MYH1: variants seen among roughly 807,000 people sequenced by gnomAD.
MYH1 encodes myosin heavy chain 1, also known as myosin-1.
Under a neutral mutation model 225.6 loss-of-function variants are expected in MYH1, and 214 were observed. That is an observed-to-expected ratio of 0.95 (90% CI 0.85 to 1.06). The LOEUF is 1.06. MYH1 is among the 50% of genes least tolerant of loss of function. The pLI, the probability that MYH1 is intolerant of heterozygous loss-of-function variation, is 0.00. For synonymous variants in MYH1, 774 were observed against 842.3 expected (o/e 0.92, Z 1.40); for missense variants, 2,098 against 2,344.2 (o/e 0.89, Z 2.17).
At chr17:10,516,177 A>G (rs1325558843) in intron 4 of MYH1, 22 bp downstream of exon 4, 1 of 1,614,016 alleles carries the variant, frequency 6.2e-7, no homozygotes, top group Admixed American at 1.7e-5. Context: ...TCATGAGTAG[A>G]AGACCGTGAG....
Position 10,508,417 on chromosome 17 carries a change from A to G in MYH1, c.1843T>C (p.Ser615Pro), listed in dbSNP as rs933592567. The change falls in exon 16 of 40, where the codon TCT becomes CCT. Residue 615 changes from serine (S) to proline (P), a missense_variant. Transcript: ENST00000226207. ...AGGAGAGCCAGAGTCTTCATTGCAG[A>G]CTTCTGGTACAGCCCCACCACAGTC... ...NETVVGLYQKSAMKTLALLFV... is the reference protein window; with the variant it reads ...NETVVGLYQKPAMKTLALLFV... 6 of 1,613,762 alleles carry G rather than the reference A, an allele frequency of 3.7e-6. No individual in the cohort carries two copies. The highest frequency in any genetic ancestry group is 5.1e-6 in the Non-Finnish European group (6 of 1,179,820).
rs574028109 is a variant in MYH1, at chr17:10,504,461, C to T, written c.2691+349G>A. Among the ~76,000 whole-genome samples the T allele has an allele frequency of 2.0e-5, 3 of 152,286 alleles. No individual in the cohort carries two copies. In the East Asian group the frequency reaches 5.8e-4, roughly 29 times the overall value. On this transcript the variant is annotated intron_variant, in intron 22 of 39. Transcript: ENST00000226207. Reference sequence around the variant, plus strand: ...GTTAATGTGTTTTCATCAAAGTCTCCTTCCTCTTCACTGACAATATTTTTC... The same window carrying T: ...GTTAATGTGTTTTCATCAAAGTCTCTTTCCTCTTCACTGACAATATTTTTC...
rs749595904 is a variant in MYH1 at position 10,508,408 on chromosome 17, T to A, written c.1852A>T (p.Lys618Ter). 6.2e-7 allele frequency: 1 copy of A among 1,613,692 alleles called. No individual in the cohort carries two copies. The highest frequency in any genetic ancestry group is 8.5e-7 in the Non-Finnish European group (1 of 1,179,728). The change falls in exon 16 of 40, where the codon AAG becomes TAG. Residue 618 changes from lysine (K) to a stop codon, truncating the protein, a stop_gained. Transcript: ENST00000226207. LOFTEE classifies it high-confidence loss of function. ...VVGLYQKSAMKTLALLFVGAT... is the reference protein window; with the variant it reads ...VVGLYQKSAM ...CCAACAAAGAGGAGAGCCAGAGTCT[T>A]CATTGCAGACTTCTGGTACAGCCCC...
intron 28 of MYH1, among the ~76,000 whole-genome samples, chr17:10,500,346 ATC>A (rs955379508): frequency 4.0e-5 from 6 of 150,650 alleles, no homozygotes; most frequent in African/African-American, 9.7e-5. Flanking sequence ...GATTCTATTT[ATC>A]TCTCTCTCTC....
chr17:10,495,191 C>T lies in MYH1; in HGVS notation c.5295+1G>A, dbSNP rs2072975903. The T allele has an allele frequency of 1.2e-6, 2 of 1,614,232 alleles. No individual in the cohort carries two copies. Among genetic ancestry groups the T allele is most frequent in the Admixed American group, 1.7e-5 (1 of 60,038 alleles). On this transcript the variant is annotated splice_donor_variant, in intron 36 of 39. Transcript: ENST00000226207. LOFTEE classifies it high-confidence loss of function. ...CCACCACTGTGTTACCCTTCACTCA[C>T]ATCAGTGATGGCCTTCTTGGCCTTC...
chr17:10,510,494 C>T (rs758089679), intron 14 of MYH1, among the ~76,000 whole-genome samples: 2 of 152,182 alleles, frequency 1.3e-5, no homozygotes, highest in Non-Finnish European at 2.9e-5. Context: ...GGAACCCCAA[C>T]ATTTTGATGC....
At chr17:10,498,581 A>T in intron 30 of MYH1, 45 bp downstream of exon 30, 1 of 1,612,410 alleles carries the variant, frequency 6.2e-7, no homozygotes, top group Non-Finnish European at 8.5e-7. Context: ...ATGTTTTGGG[A>T]GCAAGGAAAC....
At chr17:10,502,067 C>A (rs964709221) in intron 24 of MYH1, among the ~76,000 whole-genome samples, 156 bp from the exon 25 acceptor site, 1 of 152,176 alleles carries the variant, frequency 6.6e-6, no homozygotes, top group Non-Finnish European at 1.5e-5. Context: ...TTTACCTAGT[C>A]GAAAAAGTCA....
intron 5 of MYH1, among the ~76,000 whole-genome samples, chr17:10,515,393 AG>A (rs532802854): frequency 2.3e-4 from 35 of 152,200 alleles, no homozygotes; most frequent in Non-Finnish European, 3.8e-4. Flanking sequence ...AATCTTTCTA[AG>A]GGGGGAAAAC....
intron 28 of MYH1, 87 bp downstream of exon 28, chr17:10,500,539 C>T (rs2073041681): frequency 1.9e-6 from 3 of 1,583,982 alleles, no homozygotes; most frequent in East Asian, 4.5e-5. Context: ...AGTATATGAC[C>T]TCAAGTAAAT....
chr17:10,495,868 G>C, intron 35 of MYH1, 82 bp downstream of exon 35: 1 of 1,507,882 alleles, frequency 6.6e-7, no homozygotes, highest in South Asian at 1.2e-5. Context: ...CTTATAAATA[G>C]ATTTCTTAAT....
At chr17:10,505,534 T>A (rs769637826) in intron 19 of MYH1, 23 bp from the exon 20 acceptor site, 2 of 1,609,806 alleles carry the variant, frequency 1.2e-6, no homozygotes, top group African/African-American at 2.7e-5. Context: ...GACAAAAAAA[T>A]GATATGGCTG....
At chr17:10,502,040 T>C (rs1255715331) in intron 24 of MYH1, 129 bp from the exon 25 acceptor site, 1 of 943,754 alleles carries the variant, frequency 1.1e-6, no homozygotes, top group Non-Finnish European at 1.5e-6. Flanking sequence ...GTCCCATTGA[T>C]TCCATTCTCC....
chr17:10,509,604 G>C lies in MYH1; in HGVS notation c.1468C>G (p.Gln490Glu). 1.2e-6 allele frequency: 2 copies of C among 1,614,138 alleles called. No individual in the cohort carries two copies. The highest frequency in any genetic ancestry group is 1.1e-5 in the South Asian group (1 of 91,082). The stretch of plus-strand genomic sequence containing the variant: ...ACGAACATGTGGTGGTTGAAAAACT[G>C]TTGCAGTTTCTCATTGGTGAAGTTG... ...CINFTNEKLQ[Q>E]FFNHHMFVLE... Residue 490 changes from glutamine to glutamate, a missense_variant, in exon 15 of 40, where the codon CAG (glutamine) becomes GAG (glutamate). Gln to Glu is a conservative substitution (Grantham distance 29, BLOSUM62 2). Coordinates refer to ENST00000226207, the MANE Select transcript of MYH1 (RefSeq NM_005963.4).
rs201040157 is a variant in MYH1 at position 10,508,664 on chromosome 17, G to A, written c.1596C>T (p.Gly532=). ...ACIELIEKPM[G]IFSILEEECM... Reference sequence around the variant, plus strand: ...ACTCCTCTTCCAGGATGGAGAAGATGCCCATAGGCTGGAAGAATGAAAAGA... The same window carrying A: ...ACTCCTCTTCCAGGATGGAGAAGATACCCATAGGCTGGAAGAATGAAAAGA... Residue 532 remains glycine (G), a synonymous_variant, in exon 16 of 40, where the codon GGC becomes GGT. Coordinates refer to ENST00000226207, the MANE Select transcript of MYH1 (RefSeq NM_005963.4). The A allele has an allele frequency of 9.4e-5, 151 of 1,614,040 alleles. 1 individual carries two copies. The Admixed American group carries it at 2.4e-3, about 25-fold the overall frequency.
Position 10,512,706 on chromosome 17 carries a change from T to C in MYH1, c.983A>G (p.Asp328Gly). 1 of 1,614,170 alleles carries C rather than the reference T, an allele frequency of 6.2e-7. No individual in the cohort carries two copies. Among genetic ancestry groups the C allele is most frequent in the Non-Finnish European group, 8.5e-7 (1 of 1,180,018 alleles). ...ATCTGTAGCCATCAACTCTTCTTGG[T>C]CATCAATGCTGGGCACTGTGATCTC... Reference protein sequence around the residue: ...QGEITVPSIDDQEELMATDSA... With the variant: ...QGEITVPSIDGQEELMATDSA... The change falls in exon 11 of 40, where the codon GAC (aspartate) becomes GGC (glycine). Residue 328 changes from aspartate to glycine, a missense_variant. Physicochemically the swap from Asp to Gly is moderately conservative, Grantham distance 94. Transcript: ENST00000226207.
rs770527517 is a variant in MYH1 at position 10,505,934 on chromosome 17, A to G, written c.2057-5T>C. The G allele has an allele frequency of 7.6e-5, 122 of 1,614,022 alleles. No individual in the cohort carries two copies. Among genetic ancestry groups the G allele is most frequent in the African/African-American group, 1.2e-4 (9 of 74,916 alleles). Reference sequence around the variant, plus strand: ...CAAGCTCATGCTCCATGGCACCTAAAAGAATGAATCCACATGCCATACTTC... The same window carrying G: ...CAAGCTCATGCTCCATGGCACCTAAGAGAATGAATCCACATGCCATACTTC... On this transcript the variant is annotated splice_polypyrimidine_tract_variant and splice_region_variant and intron_variant, in intron 18 of 39. Coordinates refer to ENST00000226207, the MANE Select transcript of MYH1 (RefSeq NM_005963.4).
intron 2 of MYH1, 64 bp from the exon 3 acceptor site, chr17:10,516,746 ACTTT>A: frequency 7.1e-7 from 1 of 1,409,450 alleles, no homozygotes; most frequent in South Asian, 1.3e-5. Context: ...CACATTTAAA[ACTTT>A]AAAAAAAAAT....
At chr17:10,500,898 G>A in intron 27 of MYH1, 146 bp from the exon 28 acceptor site, 1 of 1,370,956 alleles carries the variant, frequency 7.3e-7, no homozygotes, top group Non-Finnish European at 9.9e-7. Context: ...AAAGGTCTTA[G>A]ATAGTGAATG....
Sources: gnomAD v4.1 joint callset for allele counts (sites outside exome capture counted in the v4.1 genomes callset) on GRCh38, gnomAD v4.1.1 for gene constraint, MANE v1.5 for transcripts, NCBI Gene and HGNC (gene_info 2026-07-23, HGNC 2026-07-21) for gene names.